The following MAPK10 variants were observed in gnomAD, a reference collection of about 807,000 sequenced individuals.
MAPK10 encodes JNK3 alpha protein kinase.
MAPK10 carries 25 observed loss-of-function variants against 59.3 expected under a neutral mutation model. The ratio of observed to expected loss-of-function variants is 0.42; its 90% CI spans 0.31 to 0.59. The LOEUF (loss-of-function observed/expected upper bound fraction) is 0.59. Ranked by LOEUF, MAPK10 falls within the 20% of genes least tolerant of loss-of-function variation. The pLI, the probability that MAPK10 is intolerant of heterozygous loss-of-function variation, is 0.15. For missense variants in MAPK10, 351 were observed against 568.9 expected (o/e 0.62, Z 3.90); for synonymous variants, 190 against 200.5 (o/e 0.95, Z 0.44).
intron 4 of MAPK10, among the ~76,000 whole-genome samples, chr4:86,109,401 A>G (rs1425147847): frequency 6.6e-6 from 1 of 151,976 alleles, no homozygotes; most frequent in African/African-American, 2.4e-5. Context: ...CCTGGCCCCA[A>G]CGGGCCCCAA....
Position 86,067,755 on chromosome 4 carries a change from C to T in MAPK10, c.985+18G>A, listed in dbSNP as rs754407086. The T allele has an allele frequency of 5.6e-6, 9 of 1,594,694 alleles. No individual in the cohort carries two copies. Among genetic ancestry groups the T allele is most frequent in the Non-Finnish European group, 7.7e-6 (9 of 1,170,164 alleles). On this transcript the variant is annotated intron_variant, in intron 10 of 13. Transcript: ENST00000641462. ...GTCACCCTCATAGTTGTCCTCAAGT[C>T]ATTCCTGAAGGGCATACCTTTGAGT...
intron 4 of MAPK10, among the ~76,000 whole-genome samples, chr4:86,131,942 G>A (rs543576002): frequency 3.3e-5 from 5 of 152,116 alleles, no homozygotes; most frequent in Non-Finnish European, 7.4e-5. Context: ...TGAACCTAAA[G>A]GAATACAAAA....
At chr4:86,135,340 A>G (rs1449916646) in intron 4 of MAPK10, among the ~76,000 whole-genome samples, 2 of 152,326 alleles carry the variant, frequency 1.3e-5, no homozygotes, top group African/African-American at 4.8e-5. Flanking sequence ...TGGAGATCTG[A>G]GAAGGGGCAG....
intron 1 of MAPK10, among the ~76,000 whole-genome samples, chr4:86,550,309 G>A (rs1252823229): frequency 7.3e-6 from 1 of 136,978 alleles, no homozygotes; most frequent in African/African-American, 2.8e-5. Context: ...TTGGCATTCA[G>A]TTTGCAACAA....
At position 86,023,811 on chromosome 4, in the gene MAPK10, GAA is replaced by G. The variant is rs1491566224; in HGVS notation, c.1252+5384_1252+5385del. 3 of 34,656 alleles carry G rather than the reference GAA, an allele frequency of 8.7e-5. No homozygotes were observed. In the East Asian group the frequency reaches 1.7e-3, roughly 20 times the overall value. 2.1% of individuals were successfully genotyped at this position (34,656 alleles called of 1,614,324 possible). On this transcript the variant is annotated intron_variant, in intron 13 of 13. Coordinates refer to ENST00000641462, the MANE Select transcript of MAPK10 (RefSeq NM_138982.4). ...ATTGGATGTTAAAAACAGATCAAAT[GAA>G]TATATATATATATATATATATATAT...
At chr4:86,574,613 T>C (rs1432801120) in intron 1 of MAPK10, among the ~76,000 whole-genome samples, 3 of 152,218 alleles carry the variant, frequency 2.0e-5, no homozygotes, top group Non-Finnish European at 2.9e-5. Context: ...TGGTGTGAGA[T>C]GGTATCTCAT....
chr4:86,135,361 C>G (rs1402051803), intron 4 of MAPK10, among the ~76,000 whole-genome samples: 1 of 152,222 alleles, frequency 6.6e-6, no homozygotes, highest in Non-Finnish European at 1.5e-5. Flanking sequence ...ACTGCCTCCT[C>G]AAGTGGGTCC....
At chr4:86,085,880 G>A (rs1043261363) in intron 9 of MAPK10, among the ~76,000 whole-genome samples, 2 of 152,050 alleles carry the variant, frequency 1.3e-5, no homozygotes, top group African/African-American at 4.8e-5. Context: ...AAGAAAATGT[G>A]GTACATTTAA....
At chr4:86,317,290 T>C (rs900117518) in intron 2 of MAPK10, among the ~76,000 whole-genome samples, 1 of 152,166 alleles carries the variant, frequency 6.6e-6, no homozygotes, top group Admixed American at 6.6e-5. Flanking sequence ...CAGCCTCCCA[T>C]GCATCTGAGG....
intron 2 of MAPK10, among the ~76,000 whole-genome samples, chr4:86,321,002 C>T (rs2095877923): frequency 6.6e-6 from 1 of 152,162 alleles, no homozygotes; most frequent in South Asian, 2.1e-4. Flanking sequence ...CATCACTGGT[C>T]ATCAGAGAAA....
intron 2 of MAPK10, among the ~76,000 whole-genome samples, chr4:86,249,933 A>G (rs77348624): frequency 0.085 from 12,909 of 152,154 alleles, 1,213 homozygotes; most frequent in African/African-American, 0.23. Flanking sequence ...CCATCCTGAG[A>G]ATGGGAAATA....
At chr4:86,457,771 A>T (rs548281007), upstream of MAPK10, among the ~76,000 whole-genome samples, 1 of 152,246 alleles carries the variant, frequency 6.6e-6, no homozygotes, top group East Asian at 1.9e-4. Context: ...TCACATCAAA[A>T]TACCACCATC....
At chr4:86,312,021 T>C (rs2095681262) in intron 2 of MAPK10, among the ~76,000 whole-genome samples, 1 of 152,124 alleles carries the variant, frequency 6.6e-6, no homozygotes, top group Non-Finnish European at 1.5e-5. Flanking sequence ...CATGATTTCT[T>C]CTGGAATTAA....
intron 1 of MAPK10, among the ~76,000 whole-genome samples, chr4:86,465,489 C>T (rs1321435981): frequency 1.3e-5 from 2 of 152,208 alleles, no homozygotes; most frequent in Admixed American, 1.3e-4. Context: ...CCAAATGCAA[C>T]TGAATCTAGC....
chr4:86,266,080 G>C (rs2094222274), intron 2 of MAPK10, among the ~76,000 whole-genome samples: 1 of 152,152 alleles, frequency 6.6e-6, no homozygotes, highest in African/African-American at 2.4e-5. Flanking sequence ...AACTTGTTTG[G>C]CAGATAAATT....
chr4:86,447,058 C>G (rs759836281), intron 1 of MAPK10, among the ~76,000 whole-genome samples: 4 of 152,074 alleles, frequency 2.6e-5, no homozygotes, highest in Admixed American at 6.5e-5. Flanking sequence ...TAAGCAGAAG[C>G]AAACTACTTG....
rs34743978 is a variant in MAPK10, at chr4:86,218,577, A to AAC, written c.-6-24171_-6-24170insGT. Among the ~76,000 whole-genome samples the AAC allele has an allele frequency of 2.6e-3, 392 of 152,052 alleles. 6 individuals carry two copies. In the East Asian group the frequency reaches 0.042, roughly 16 times the overall value. On this transcript the variant is annotated intron_variant, in intron 2 of 13. Coordinates refer to ENST00000641462, the MANE Select transcript of MAPK10 (RefSeq NM_138982.4). ...AATAATAAGACTTAAGCAAAAAAAA[A>AAC]AAAAAAAAAACACTTTGGGCAATTA...
At position 86,260,591 on chromosome 4, in the gene MAPK10, G is replaced by C. The variant is rs560723525; in HGVS notation, c.-6-66184C>G. ...GGCACCCTGGCAAATAATTTCCATA[G>C]TAGCTCCCTGTAGAAAAATGTACTA... is the stretch of plus-strand genomic sequence containing the variant. On this transcript the variant is annotated intron_variant, in intron 2 of 13. Transcript: ENST00000641462. Among the ~76,000 whole-genome samples the C allele has an allele frequency of 2.6e-5, 4 of 152,172 alleles. No homozygotes were observed. The East Asian group carries it at 7.7e-4, about 29-fold the overall frequency.
chr4:86,552,651 G>C (rs114597769), intron 1 of MAPK10, among the ~76,000 whole-genome samples: 1,573 of 152,258 alleles, frequency 0.01, 20 homozygotes, highest in African/African-American at 0.036. Flanking sequence ...CATTGTGTGA[G>C]AAGTACTAGC....
Sources: allele counts gnomAD v4.1 joint callset (sites outside exome capture counted in the v4.1 genomes callset), GRCh38; gene constraint gnomAD v4.1.1; transcripts MANE v1.5; gene names NCBI Gene and HGNC (gene_info 2026-07-23, HGNC 2026-07-21).